NLK: variants seen among roughly 807,000 people sequenced by gnomAD.
NLK encodes nemo like kinase.
In NLK, 11 loss-of-function variants were observed where a neutral mutation model predicts 59.0. The observed-to-expected ratio is 0.19, with a 90% CI of 0.12 to 0.31. The LOEUF (loss-of-function observed/expected upper bound fraction) is 0.31, where lower values mean the gene tolerates loss of function less well. Ranked by LOEUF, NLK falls within the 10% of genes least tolerant of loss-of-function variation. The pLI is 1.00. For synonymous variants in NLK, 235 were observed against 235.9 expected (o/e 1.00, Z 0.03); for missense variants, 410 against 661.1 (o/e 0.62, Z 4.16).
At chr17:28,123,767 C>A (rs1906174060) in intron 2 of NLK, among the ~76,000 whole-genome samples, 1 of 152,126 alleles carries the variant, frequency 6.6e-6, no homozygotes, top group African/African-American at 2.4e-5. Context: ...TTTGACAGAA[C>A]TTTCCTTCAA....
chr17:28,122,154 C>A (rs557201186), intron 1 of NLK, among the ~76,000 whole-genome samples: 2 of 152,164 alleles, frequency 1.3e-5, no homozygotes, highest in Non-Finnish European at 2.9e-5. Flanking sequence ...CATAAGAAAT[C>A]TAAATATTTA....
chr17:28,107,124 A>AAT (rs1905203439), intron 1 of NLK, among the ~76,000 whole-genome samples: 2 of 152,130 alleles, frequency 1.3e-5, no homozygotes, highest in African/African-American at 4.8e-5. Context: ...TTCAGTACGT[A>AAT]ATATATATAT....
intron 1 of NLK, among the ~76,000 whole-genome samples, chr17:28,079,576 T>A (rs1278283453): frequency 6.6e-6 from 1 of 152,200 alleles, no homozygotes; most frequent in Non-Finnish European, 1.5e-5. Context: ...AATACCTCAT[T>A]GTGGTTTTCA....
chr17:28,056,255 C>T (rs1909439265), intron 1 of NLK, among the ~76,000 whole-genome samples: 1 of 152,210 alleles, frequency 6.6e-6, no homozygotes, highest in Admixed American at 6.5e-5. Context: ...TTCATTCTCA[C>T]AAGCCTAGAG....
chr17:28,051,393 C>T lies in NLK; in HGVS notation c.458+8062C>T, dbSNP rs35006682. ...TTTTTTTTTTTGAGACAGAGTCTTC[C>T]GCTGTCACCAGGCTGGAGTGCAGTG... is the stretch of plus-strand genomic sequence containing the variant. On this transcript the variant is annotated intron_variant, in intron 1 of 10. Transcript: ENST00000407008. Among the ~76,000 whole-genome samples the T allele has an allele frequency of 8.2e-3, 1,241 of 150,796 alleles. 9 individuals carry two copies. The highest frequency in any genetic ancestry group is 0.013 in the Non-Finnish European group (860 of 67,766).
chr17:28,148,947 C>G (rs138702550), intron 3 of NLK, among the ~76,000 whole-genome samples: 2 of 152,258 alleles, frequency 1.3e-5, no homozygotes, highest in African/African-American at 4.8e-5. Flanking sequence ...GCATAACCTG[C>G]TACTTGTGTT....
At chr17:28,067,837 A>AATATAT (rs111252386) in intron 1 of NLK, among the ~76,000 whole-genome samples, 36 of 146,484 alleles carry the variant, frequency 2.5e-4, no homozygotes, top group Non-Finnish European at 4.2e-4. Flanking sequence ...ACCTTCTTAA[A>AATATAT]ATATATATAT....
chr17:28,100,403 A>G (rs1169048998), intron 1 of NLK, among the ~76,000 whole-genome samples: 1 of 152,200 alleles, frequency 6.6e-6, no homozygotes, highest in Admixed American at 6.5e-5. Flanking sequence ...CCATAATTAC[A>G]ATATAGTATG....
chr17:28,154,052 C>T (rs1257269468), intron 3 of NLK, among the ~76,000 whole-genome samples: 1 of 152,010 alleles, frequency 6.6e-6, no homozygotes, highest in African/African-American at 2.4e-5. Flanking sequence ...GTGGATAGAA[C>T]ATAAATCTTT....
At chr17:28,093,872 T>A (rs1904601996) in intron 1 of NLK, among the ~76,000 whole-genome samples, 1 of 152,250 alleles carries the variant, frequency 6.6e-6, no homozygotes, top group Non-Finnish European at 1.5e-5. Context: ...CTGCTATTGT[T>A]AATAATTAAT....
chr17:28,059,651 A>G (rs1909561612), intron 1 of NLK, among the ~76,000 whole-genome samples: 1 of 152,228 alleles, frequency 6.6e-6, no homozygotes, highest in South Asian at 2.1e-4. Flanking sequence ...AATTTAGTGT[A>G]TACTAGAGAT....
At chr17:28,098,674 T>G (rs1904790230) in intron 1 of NLK, among the ~76,000 whole-genome samples, 1 of 148,486 alleles carries the variant, frequency 6.7e-6, no homozygotes, top group South Asian at 2.1e-4. Flanking sequence ...TCATTACCAT[T>G]CTTTTTTTTT....
intron 3 of NLK, among the ~76,000 whole-genome samples, chr17:28,143,090 G>T (rs2142031044): frequency 6.6e-6 from 1 of 150,708 alleles, no homozygotes; most frequent in South Asian, 2.1e-4. Flanking sequence ...GTCACCCAGG[G>T]AGAAGTACAA....
intron 7 of NLK, among the ~76,000 whole-genome samples, chr17:28,179,984 A>C (rs1908843232): frequency 1.4e-5 from 2 of 145,664 alleles, no homozygotes; most frequent in Admixed American, 7.4e-5. Context: ...GTTTTAACCT[A>C]ATGGCTGGTG....
intron 2 of NLK, among the ~76,000 whole-genome samples, chr17:28,129,587 A>T (rs1378023369): frequency 1.3e-5 from 2 of 152,238 alleles, no homozygotes; most frequent in Admixed American, 6.5e-5. Context: ...CTATAAAAAA[A>T]AATAATAATG....
intron 2 of NLK, among the ~76,000 whole-genome samples, chr17:28,126,299 C>T (rs980859970): frequency 6.6e-6 from 1 of 152,166 alleles, no homozygotes; most frequent in Non-Finnish European, 1.5e-5. Flanking sequence ...TCTTACCTTG[C>T]ACCTACTAAA....
chr17:28,174,982 T>C (rs924040555), intron 7 of NLK, among the ~76,000 whole-genome samples: 3 of 150,900 alleles, frequency 2.0e-5, no homozygotes, highest in African/African-American at 4.9e-5. Context: ...TGTAGCCACC[T>C]GGATTTTTTT....
chr17:28,108,916 C>G (rs1398315772), intron 1 of NLK, among the ~76,000 whole-genome samples: 1 of 152,114 alleles, frequency 6.6e-6, no homozygotes, highest in Non-Finnish European at 1.5e-5. Context: ...CGCCTGTAAT[C>G]CCAGCACTTT....
At chr17:28,178,367 G>A (rs1033412941) in intron 7 of NLK, among the ~76,000 whole-genome samples, 1 of 152,062 alleles carries the variant, frequency 6.6e-6, no homozygotes, top group African/African-American at 2.4e-5. Flanking sequence ...GAAAGGGGGT[G>A]GTTCCCTAAA....
Sources: allele counts gnomAD v4.1 joint callset (sites outside exome capture counted in the v4.1 genomes callset), GRCh38; gene constraint gnomAD v4.1.1; transcripts MANE v1.5; gene names NCBI Gene and HGNC (gene_info 2026-07-23, HGNC 2026-07-21).